The following SHROOM2 variants were observed in gnomAD, a reference collection of about 807,000 sequenced individuals.
The protein encoded by SHROOM2 is protein Shroom2.
In SHROOM2, 33 loss-of-function variants were observed where a neutral mutation model predicts 75.9. The observed-to-expected ratio is 0.43, with a 90% CI of 0.33 to 0.58. The LOEUF is 0.58. SHROOM2 is among the 20% of genes least tolerant of loss of function. The pLI is 0.04. For synonymous variants in SHROOM2, 655 were observed against 663.6 expected (o/e 0.99, Z 0.20); for missense variants, 1,434 against 1,461.2 (o/e 0.98, Z 0.30).
Position 9,932,438 on chromosome X carries a change from G to T in SHROOM2, c.3155G>T (p.Ser1052Ile), listed in dbSNP as rs2084658071. 8.3e-7 allele frequency: 1 copy of T among 1,205,307 alleles called. No individual in the cohort carries two copies. The change falls in exon 6 of 10, where the codon AGC (serine) becomes ATC (isoleucine). Residue 1052 changes from serine (S) to isoleucine (I), a missense_variant. Around this residue, in one of 3 missense-constraint regions of SHROOM2, gnomAD observed 1,340 missense variants for 1,338.3 expected, o/e 1.00. Transcript: ENST00000380913. ...CGAGGACAAGACTCGTGGCCAGTGA[G>T]CTCAGCCCTGCTCTCCAAGAGGCCA... ...HARGQDSWPV[S>I]SALLSKRPAP... is the part of the protein sequence containing the mutation.
chrX:9,856,450 A>G (rs965893379), intron 1 of SHROOM2, among the ~76,000 whole-genome samples: 2 of 112,146 alleles, frequency 1.8e-5, no homozygotes, highest in Non-Finnish European at 3.8e-5. Context: ...GAGATGTTTT[A>G]TATTTTAATT....
chrX:9,843,613 C>T (rs1355957334), intron 1 of SHROOM2, among the ~76,000 whole-genome samples: 1 of 111,966 alleles, frequency 8.9e-6, no homozygotes, highest in Non-Finnish European at 1.9e-5. Flanking sequence ...GTTGGCCAGG[C>T]TGGTCTCGAA....
chrX:9,896,644 G>A lies in SHROOM2; in HGVS notation c.2736G>A (p.Pro912=), dbSNP rs200547169. The A allele has an allele frequency of 3.5e-5, 42 of 1,203,867 alleles. No homozygotes were observed. The Admixed American group carries it at 4.9e-4, about 14-fold the overall frequency. Residue 912 remains proline, a synonymous_variant, in exon 4 of 10, where the codon CCG becomes CCA. Transcript: ENST00000380913. Reference sequence around the variant, plus strand: ...TGAGCCTGGACCCACAGGAGAGGCCGCAGCACGTTCATGGGAGGTCCCGGT... The same window carrying A: ...TGAGCCTGGACCCACAGGAGAGGCCACAGCACGTTCATGGGAGGTCCCGGT... The part of the protein sequence containing the change: ...LDVSLDPQER[P]QHVHGRSRSS...
chrX:9,897,405 A>G (rs2084338441), intron 4 of SHROOM2, among the ~76,000 whole-genome samples: 1 of 110,354 alleles, frequency 9.1e-6, no homozygotes, highest in South Asian at 3.9e-4. Context: ...AATGTTCCAC[A>G]ATGATAGATG....
chrX:9,836,577 G>A (rs1486631826), intron 1 of SHROOM2, among the ~76,000 whole-genome samples: 1 of 78,709 alleles, frequency 1.3e-5, no homozygotes, highest in Non-Finnish European at 2.3e-5. Flanking sequence ...CAGCTTTATC[G>A]AGATATGTGA....
rs1217089711 is a variant in SHROOM2 at position 9,917,221 on chromosome X, T to C, written c.2892-14954T>C. The stretch of plus-strand genomic sequence containing the variant: ...CGTGGTCCTATTGGAAGCACAACCA[T>C]AGGACCTCTGTACATTCTCGTGTCC... On this transcript the variant is annotated intron_variant, in intron 5 of 9. Coordinates refer to ENST00000380913, the MANE Select transcript of SHROOM2 (RefSeq NM_001649.4). 2.7e-5 allele frequency among the ~76,000 whole-genome samples: 3 copies of C among 111,993 alleles called. No individual in the cohort carries two copies. In the Admixed American group the frequency reaches 2.8e-4, roughly 11 times the overall value.
chrX:9,812,987 A>G (rs949160984), intron 1 of SHROOM2, among the ~76,000 whole-genome samples: 30 of 112,401 alleles, frequency 2.7e-4, no homozygotes, highest in African/African-American at 9.4e-4. Flanking sequence ...ATCCAGTGTC[A>G]TTCTCCAAGA....
At chrX:9,812,486 G>A (rs923260375) in intron 1 of SHROOM2, among the ~76,000 whole-genome samples, 18 of 112,252 alleles carry the variant, frequency 1.6e-4, no homozygotes, top group Admixed American at 1.4e-3. Context: ...GCCAAATGCA[G>A]CAACTTATTC....
In SHROOM2 at chrX:9,944,808, A is replaced by T; in HGVS notation, c.4479A>T (p.Gly1493=). ...SEFDKFRMFI[G]DLDKVVNLLL... is the part of the protein sequence containing the mutation. ...TTGACAAGTTCCGGATGTTCATTGG[A>T]GACCTGGACAAAGTGGTGAACCTCC... is the stretch of plus-strand genomic sequence containing the variant. Residue 1493 remains glycine (G), a synonymous_variant, in exon 9 of 10, where the codon GGA becomes GGT. Coordinates refer to ENST00000380913, the MANE Select transcript of SHROOM2 (RefSeq NM_001649.4). 8.2e-7 allele frequency: 1 copy of T among 1,212,214 alleles called. No individual in the cohort carries two copies. The highest frequency in any genetic ancestry group is 1.1e-6 in the Non-Finnish European group (1 of 895,532).
intron 1 of SHROOM2, among the ~76,000 whole-genome samples, chrX:9,800,646 A>C (rs2083719262): frequency 9.2e-6 from 1 of 108,396 alleles, no homozygotes; most frequent in South Asian, 4.1e-4. Flanking sequence ...TGTCCACTTT[A>C]TTTTTATTTT....
At chrX:9,846,229 C>T (rs1043074014) in intron 1 of SHROOM2, among the ~76,000 whole-genome samples, 1 of 109,652 alleles carries the variant, frequency 9.1e-6, no homozygotes, top group Non-Finnish European at 1.9e-5. Flanking sequence ...AAGCCATCCT[C>T]CTGCCTCAGC....
intron 2 of SHROOM2, 83 bp downstream of exon 2, chrX:9,873,886 C>T (rs777299231): frequency 2.7e-4 from 274 of 1,005,971 alleles, no homozygotes; most frequent in Non-Finnish European, 3.6e-4. Context: ...TTGTCCTGCC[C>T]ACATCACTAC....
intron 1 of SHROOM2, among the ~76,000 whole-genome samples, chrX:9,820,918 T>C (rs2083850107): frequency 8.9e-6 from 1 of 112,563 alleles, no homozygotes; most frequent in Non-Finnish European, 1.9e-5. Flanking sequence ...AGACAGTATG[T>C]AAATGAAAGG....
intron 9 of SHROOM2, 21 bp downstream of exon 9, chrX:9,944,934 C>T (rs775807138): frequency 4.3e-6 from 5 of 1,175,103 alleles, no homozygotes; most frequent in Non-Finnish European, 5.7e-6. Flanking sequence ...ATACGTCTGA[C>T]TTGGAAATGG....
chrX:9,888,008 T>G (rs2084270076), intron 2 of SHROOM2, among the ~76,000 whole-genome samples: 1 of 113,217 alleles, frequency 8.8e-6, no homozygotes, highest in South Asian at 3.5e-4. Flanking sequence ...TTTGAATAAA[T>G]TAACCACTTA....
chrX:9,945,550 C>G (rs1287147777), intron 9 of SHROOM2, among the ~76,000 whole-genome samples: 18 of 112,221 alleles, frequency 1.6e-4, no homozygotes, highest in Non-Finnish European at 1.9e-5. Context: ...TTGACTCTTA[C>G]TGATAATTGT....
At position 9,898,194 on chromosome X, in the gene SHROOM2, C is replaced by T. The variant is rs1446855633; in HGVS notation, c.2795C>T (p.Ala932Val). The T allele has an allele frequency of 2.5e-6, 3 of 1,180,295 alleles. No individual in the cohort carries two copies. In the South Asian group the frequency reaches 5.6e-5, roughly 22 times the overall value. ...TCATTATGTTGCCCTTTGCAGGAAGCTTCTGTCGAACTGCGAAGGCAGGCA... is the reference window on the plus strand; with the variant it reads ...TCATTATGTTGCCCTTTGCAGGAAGTTTCTGTCGAACTGCGAAGGCAGGCA... ...SPSTDHYKQE[A>V]SVELRRQAGD... Residue 932 changes from alanine (A) to valine (V), a missense_variant, in exon 5 of 10, where the codon GCT (alanine) becomes GTT (valine). Coordinates refer to ENST00000380913, the MANE Select transcript of SHROOM2 (RefSeq NM_001649.4).
rs750419052 is a variant in SHROOM2, at chrX:9,894,657, G to A, written c.749G>A (p.Arg250Gln). 1.7e-5 allele frequency: 20 copies of A among 1,209,816 alleles called. No homozygotes were observed. Among genetic ancestry groups the A allele is most frequent in the South Asian group, 1.1e-4 (6 of 56,673 alleles). ...GLWEAPRQGG[R>Q]QAQAAGDPQG... Reference sequence around the variant, plus strand: ...TGGGAGGCTCCCAGGCAGGGTGGCCGGCAGGCCCAGGCCGCAGGCGACCCT... The same window carrying A: ...TGGGAGGCTCCCAGGCAGGGTGGCCAGCAGGCCCAGGCCGCAGGCGACCCT... The change falls in exon 4 of 10, where the codon CGG becomes CAG. Residue 250 changes from arginine (R) to glutamine (Q), a missense_variant. By Grantham distance (43) the Arg-to-Gln change is conservative. Transcript: ENST00000380913.
chrX:9,889,096 G>A (rs946238777), intron 2 of SHROOM2, among the ~76,000 whole-genome samples: 1 of 111,741 alleles, frequency 8.9e-6, no homozygotes, highest in African/African-American at 3.3e-5. Flanking sequence ...TTCCTTACGA[G>A]GATTTTGAGA....
Sources: allele counts gnomAD v4.1 joint callset (sites outside exome capture counted in the v4.1 genomes callset), GRCh38; gene constraint gnomAD v4.1.1; regional missense constraint gnomAD v4.1.1; transcripts MANE v1.5; gene names NCBI Gene and HGNC (gene_info 2026-07-23, HGNC 2026-07-21).